The following COL5A2 variants were observed in gnomAD, a reference collection of about 807,000 sequenced individuals.
COL5A2 encodes collagen alpha-2(V) chain.
Under a neutral mutation model 208.2 loss-of-function variants are expected in COL5A2, and 23 were observed. The ratio of observed to expected loss-of-function variants is 0.11; its 90% confidence interval spans 0.08 to 0.16. The LOEUF (loss-of-function observed/expected upper bound fraction) is 0.16. Ranked by LOEUF, COL5A2 falls within the 10% of genes least tolerant of loss-of-function variation. COL5A2 has a pLI of 1.00. For synonymous variants in COL5A2, 625 were observed against 628.5 expected, an observed-to-expected ratio of 0.99 and a Z score of 0.08; for missense variants, 1,590 against 1,956.4, an observed-to-expected ratio of 0.81 and a Z score of 3.53.
Position 189,096,518 on chromosome 2 carries a change from A to G in COL5A2, c.456+759T>C, listed in dbSNP as rs182015541. 4.3e-3 allele frequency among the ~76,000 whole-genome samples: 643 copies of G among 150,998 alleles called. 3 individuals are homozygous for G. Among genetic ancestry groups the G allele is most frequent in the African/African-American group, 0.015 (604 of 41,142 alleles). On this transcript the variant is annotated intron_variant, in intron 6 of 53. Coordinates refer to ENST00000374866, the MANE Select transcript of COL5A2 (RefSeq NM_000393.5). Reference sequence around the variant, plus strand: ...GCAACTGTAGTCCCAGCTACTCGGGAGGCTGAGGCAGGAGAATGGCGTGAA... The same window carrying G: ...GCAACTGTAGTCCCAGCTACTCGGGGGGCTGAGGCAGGAGAATGGCGTGAA...
At chr2:189,186,709 A>G (rs1317491357) in intron 1 of COL5A2, among the ~76,000 whole-genome samples, 1 of 152,218 alleles carries the variant, frequency 6.6e-6, no homozygotes, top group Non-Finnish European at 1.5e-5. Context: ...TAAAAAAATT[A>G]CAATATTGGG....
upstream of COL5A2, among the ~76,000 whole-genome samples, chr2:189,182,934 C>T (rs1312876742): frequency 6.6e-6 from 1 of 152,180 alleles, no homozygotes; most frequent in Non-Finnish European, 1.5e-5. Context: ...CTTCTCTCTT[C>T]TCTACCTTCC....
At chr2:189,353,918 T>C in the COL5A2 span, among the ~76,000 whole-genome samples, 2 of 152,214 alleles carry the variant, frequency 1.3e-5, no homozygotes, top group African/African-American at 2.4e-5. Flanking sequence ...TGATATTGGC[T>C]GTGGGTTTGT....
the COL5A2 span, among the ~76,000 whole-genome samples, chr2:189,404,366 T>A: frequency 6.6e-6 from 1 of 152,102 alleles, no homozygotes; most frequent in African/African-American, 2.4e-5. Flanking sequence ...AGCTTAGACA[T>A]CCATATTCTC....
At chr2:189,399,190 G>C in the COL5A2 span, among the ~76,000 whole-genome samples, 1 of 151,248 alleles carries the variant, frequency 6.6e-6, no homozygotes, top group Non-Finnish European at 1.5e-5. Context: ...GGTTCTTGTA[G>C]TACAGATCTC....
chr2:189,386,865 A>G, the COL5A2 span, among the ~76,000 whole-genome samples: 1 of 152,186 alleles, frequency 6.6e-6, no homozygotes, highest in South Asian at 2.1e-4. Context: ...GGATATTAAT[A>G]CACTGCTGGT....
At chr2:189,298,182 A>T in the COL5A2 span, among the ~76,000 whole-genome samples, 3 of 152,232 alleles carry the variant, frequency 2.0e-5, no homozygotes, top group East Asian at 5.8e-4. Flanking sequence ...GGGAAAATGG[A>T]GAGGGAGAGA....
chr2:189,308,666 A>T, the COL5A2 span, among the ~76,000 whole-genome samples: 1 of 152,050 alleles, frequency 6.6e-6, no homozygotes, highest in African/African-American at 2.4e-5. Flanking sequence ...ATCTTAACCT[A>T]GACATTTCTT....
intron 1 of COL5A2, among the ~76,000 whole-genome samples, chr2:189,177,220 A>T (rs1007143660): frequency 8.5e-5 from 13 of 152,220 alleles, no homozygotes; most frequent in African/African-American, 3.1e-4. Flanking sequence ...TATAGATAAA[A>T]TTTGAAAAAT....
the COL5A2 span, among the ~76,000 whole-genome samples, chr2:189,368,667 A>C: frequency 3.9e-5 from 6 of 152,320 alleles, no homozygotes; most frequent in South Asian, 1.2e-3. Context: ...GTATTAACAT[A>C]ACTTGATACA....
At chr2:189,307,943 C>G in the COL5A2 span, among the ~76,000 whole-genome samples, 1 of 152,070 alleles carries the variant, frequency 6.6e-6, no homozygotes, top group African/African-American at 2.4e-5. Flanking sequence ...TTGGGAATGG[C>G]CTACTCTGTT....
At chr2:189,337,630 T>C in the COL5A2 span, among the ~76,000 whole-genome samples, 1 of 152,208 alleles carries the variant, frequency 6.6e-6, no homozygotes, top group Non-Finnish European at 1.5e-5. Flanking sequence ...TCATGATTTT[T>C]ATCTATTTTA....
At position 189,088,679 on chromosome 2, in the gene COL5A2, T is replaced by C; in HGVS notation, c.645+16A>G. 6.2e-7 allele frequency: 1 copy of C among 1,604,360 alleles called. No individual in the cohort carries two copies. The highest frequency in any genetic ancestry group is 8.5e-7 in the Non-Finnish European group (1 of 1,171,194). On this transcript the variant is annotated intron_variant, in intron 8 of 53. Transcript: ENST00000374866. ...TTCACTGAAGTACTTCAATGATCAG[T>C]AAAATTTATGCTTACCACAGAGCCA... is the stretch of plus-strand genomic sequence containing the variant.
the COL5A2 span, among the ~76,000 whole-genome samples, chr2:189,368,612 A>G: frequency 6.6e-6 from 1 of 152,236 alleles, no homozygotes; most frequent in Admixed American, 6.5e-5. Context: ...AGTCTACTAT[A>G]TTAAATCACC....
At chr2:189,062,823 T>C (rs752699054) in intron 29 of COL5A2, 42 bp downstream of exon 29, 122 of 1,596,256 alleles carry the variant, frequency 7.6e-5, no homozygotes, top group Non-Finnish European at 1.0e-4. Flanking sequence ...GCAATGTGTG[T>C]ATATATATAT....
At chr2:189,160,395 T>C (rs908572389) in intron 1 of COL5A2, among the ~76,000 whole-genome samples, 1 of 152,202 alleles carries the variant, frequency 6.6e-6, no homozygotes, top group Non-Finnish European at 1.5e-5. Flanking sequence ...CCTTTCTATA[T>C]CTTGGGCAAT....
At chr2:189,171,270 T>C (rs1180575344) in intron 1 of COL5A2, among the ~76,000 whole-genome samples, 2 of 152,170 alleles carry the variant, frequency 1.3e-5, no homozygotes, top group African/African-American at 2.4e-5. Flanking sequence ...AACCTTATTC[T>C]TTCTACAAGT....
chr2:189,374,068 G>A, the COL5A2 span, among the ~76,000 whole-genome samples: 1 of 152,148 alleles, frequency 6.6e-6, no homozygotes. Flanking sequence ...GGAATAGAAA[G>A]CAGTCTGCAT....
chr2:189,215,110 C>T (rs1398308099), intron 1 of COL5A2, among the ~76,000 whole-genome samples: 1 of 152,092 alleles, frequency 6.6e-6, no homozygotes, highest in African/African-American at 2.4e-5. Context: ...CTGATTCATT[C>T]TCTGTTGAGT....
Sources: allele counts gnomAD v4.1 joint callset (sites outside exome capture counted in the v4.1 genomes callset), GRCh38; gene constraint gnomAD v4.1.1; transcripts MANE v1.5; gene names NCBI Gene and HGNC (gene_info 2026-07-23, HGNC 2026-07-21).